The following PAPPA2 variants were observed in gnomAD, a reference collection of about 807,000 sequenced individuals.
The protein encoded by PAPPA2 is pappalysin 2.
PAPPA2 carries 86 observed loss-of-function variants against 176.4 expected under a neutral mutation model. The observed-to-expected ratio is 0.49, with a 90% CI of 0.41 to 0.58. The LOEUF (loss-of-function observed/expected upper bound fraction) is 0.58. Among genes scored for constraint, PAPPA2 ranks in the 20% least tolerant of loss-of-function variants. PAPPA2 has a pLI of 0.00. For missense variants in PAPPA2, 2,073 were observed against 2,256.9 expected (o/e 0.92, Z 1.65); for synonymous variants, 809 against 852.2 (o/e 0.95, Z 0.88).
At chr1:176,770,018 T>C (rs892551309) in intron 16 of PAPPA2, among the ~76,000 whole-genome samples, 3 of 152,256 alleles carry the variant, frequency 2.0e-5, no homozygotes, top group Admixed American at 6.5e-5. Flanking sequence ...GACTTTCCTC[T>C]ATTTTTATTT....
chr1:176,730,412 G>A (rs1276211331), intron 12 of PAPPA2, among the ~76,000 whole-genome samples: 2 of 151,352 alleles, frequency 1.3e-5, no homozygotes, highest in East Asian at 1.9e-4. Flanking sequence ...TGTTCATAAT[G>A]TGTTTTTATT....
chr1:176,838,333 A>T (rs1667353566), intron 21 of PAPPA2, among the ~76,000 whole-genome samples: 1 of 152,354 alleles, frequency 6.6e-6, no homozygotes. Flanking sequence ...CATTATGAAG[A>T]CCAGACTTAT....
At chr1:176,663,073 T>A (rs777066047) in intron 3 of PAPPA2, among the ~76,000 whole-genome samples, 1 of 152,174 alleles carries the variant, frequency 6.6e-6, no homozygotes, top group Non-Finnish European at 1.5e-5. Context: ...ATCATCTCAC[T>A]TGAAGTTGGG....
intron 8 of PAPPA2, among the ~76,000 whole-genome samples, chr1:176,701,051 T>C (rs12081439): frequency 6.7e-5 from 10 of 148,374 alleles, no homozygotes; most frequent in Non-Finnish European, 7.5e-5. Context: ...CACACACACA[T>C]ACACACACAC....
At chr1:176,484,318 A>T (rs1652550902) in intron 1 of PAPPA2, among the ~76,000 whole-genome samples, 1 of 152,026 alleles carries the variant, frequency 6.6e-6, no homozygotes, top group Admixed American at 6.6e-5. Context: ...ATATATGTGT[A>T]TGTGTAGTTT....
chr1:176,775,302 G>T (rs1664406949), intron 17 of PAPPA2, among the ~76,000 whole-genome samples: 1 of 152,168 alleles, frequency 6.6e-6, no homozygotes, highest in South Asian at 2.1e-4. Context: ...ACTTATGATA[G>T]AATTTTGATG....
chr1:176,692,434 C>T (rs1660162462), intron 6 of PAPPA2, 116 bp downstream of exon 6: 3 of 1,054,678 alleles, frequency 2.8e-6, no homozygotes, highest in South Asian at 3.1e-5. Context: ...AATGTGTGCA[C>T]CACTGCTCAG....
chr1:176,498,752 A>ACAAAAAAAAAC (rs1405952836), intron 1 of PAPPA2, among the ~76,000 whole-genome samples: 1 of 132,780 alleles, frequency 7.5e-6, no homozygotes, highest in African/African-American at 2.9e-5. Flanking sequence ...TCTTACCTCC[A>ACAAAAAAAAAC]AAAAAAAAAA....
intron 17 of PAPPA2, among the ~76,000 whole-genome samples, chr1:176,788,815 AC>A (rs1450514317): frequency 6.6e-6 from 1 of 152,216 alleles, no homozygotes; most frequent in Non-Finnish European, 1.5e-5. Context: ...AAACTTGTAA[AC>A]AAATGGAGCA....
chr1:176,823,446 C>T (rs541538570), intron 21 of PAPPA2, among the ~76,000 whole-genome samples: 1 of 152,324 alleles, frequency 6.6e-6, no homozygotes, highest in South Asian at 2.1e-4. Context: ...GGGCTTTATT[C>T]TGCAGCCAGT....
chr1:176,571,939 A>G (rs1209123830), intron 2 of PAPPA2, among the ~76,000 whole-genome samples: 2 of 152,204 alleles, frequency 1.3e-5, no homozygotes, highest in Non-Finnish European at 2.9e-5. Context: ...AAGTGGTTAG[A>G]AGGCTGATGA....
intron 1 of PAPPA2, among the ~76,000 whole-genome samples, chr1:176,529,306 G>A (rs1246598877): frequency 2.0e-5 from 3 of 152,040 alleles, no homozygotes; most frequent in Admixed American, 6.6e-5. Context: ...CTCAGAACGA[G>A]CCAGAAACTG....
At chr1:176,842,180 A>G (rs1036225972) in intron 22 of PAPPA2, among the ~76,000 whole-genome samples, 200 bp from the exon 23 acceptor site, 4 of 152,184 alleles carry the variant, frequency 2.6e-5, no homozygotes, top group African/African-American at 9.7e-5. Flanking sequence ...AGGAAAGTGA[A>G]GCAAGGAACA....
intron 1 of PAPPA2, among the ~76,000 whole-genome samples, chr1:176,485,978 A>G (rs1652628449): frequency 6.6e-6 from 1 of 152,220 alleles, no homozygotes; most frequent in African/African-American, 2.4e-5. Context: ...TAGGGGTGAT[A>G]AATTGTGGGA....
intron 1 of PAPPA2, among the ~76,000 whole-genome samples, chr1:176,521,569 A>G (rs1006960298): frequency 6.6e-6 from 1 of 152,232 alleles, no homozygotes; most frequent in African/African-American, 2.4e-5. Flanking sequence ...TAAACCACTC[A>G]GTTTTGAGGT....
rs143471173 is a variant in PAPPA2, at chr1:176,683,313, G to T, written c.2138-6824G>T. On this transcript the variant is annotated intron_variant, in intron 4 of 22. Coordinates refer to ENST00000367662, the MANE Select transcript of PAPPA2 (RefSeq NM_020318.3). The stretch of plus-strand genomic sequence containing the variant: ...CAAGGCTGAAAGATCTTCTAAGAAG[G>T]CATGTGTTCTCCTGCTGCCAGTCCA... 8.5e-4 allele frequency among the ~76,000 whole-genome samples: 129 copies of T among 151,950 alleles called. 1 individual carries two copies. The highest frequency in any genetic ancestry group is 2.7e-3 in the African/African-American group (112 of 41,450).
At chr1:176,602,109 A>T (rs527980010) in intron 3 of PAPPA2, among the ~76,000 whole-genome samples, 3 of 152,184 alleles carry the variant, frequency 2.0e-5, no homozygotes, top group African/African-American at 4.8e-5. Context: ...GAAAATGGGG[A>T]TACTGCATAT....
At chr1:176,750,495 C>T (rs1429742865) in intron 14 of PAPPA2, among the ~76,000 whole-genome samples, 1 of 152,014 alleles carries the variant, frequency 6.6e-6, no homozygotes, top group Non-Finnish European at 1.5e-5. Flanking sequence ...ATCCCAGCTA[C>T]TTGGGAGGCT....
chr1:176,700,109 A>G (rs1474775893), intron 8 of PAPPA2, among the ~76,000 whole-genome samples: 2 of 151,942 alleles, frequency 1.3e-5, no homozygotes, highest in African/African-American at 2.4e-5. Context: ...CCCAATAACC[A>G]ACTCTCTTTT....
Sources: gnomAD v4.1 joint callset for allele counts (sites outside exome capture counted in the v4.1 genomes callset) on GRCh38, gnomAD v4.1.1 for gene constraint, MANE v1.5 for transcripts, NCBI Gene and HGNC (gene_info 2026-07-23, HGNC 2026-07-21) for gene names.